STRN4: variants seen among roughly 807,000 people sequenced by gnomAD.
STRN4 encodes the protein striatin 4.
STRN4 carries 27 observed loss-of-function variants against 77.9 expected under a neutral mutation model. The ratio of observed to expected loss-of-function variants is 0.35; its 90% CI spans 0.26 to 0.48. The LOEUF (loss-of-function observed/expected upper bound fraction) is 0.48. Ranked by LOEUF, STRN4 falls within the 20% of genes least tolerant of loss-of-function variation. The pLI is 0.99. For missense variants in STRN4, 798 were observed against 1,049.7 expected, an observed-to-expected ratio of 0.76 and a Z score of 3.31; for synonymous variants, 466 against 443.1, an observed-to-expected ratio of 1.05 and a Z score of -0.65.
intron 1 of STRN4, among the ~76,000 whole-genome samples, chr19:46,742,187 A>T (rs1340391452): frequency 6.6e-6 from 1 of 152,082 alleles, no homozygotes; most frequent in Non-Finnish European, 1.5e-5. Context: ...CACGTTACTT[A>T]CTTCTCAGAA....
In STRN4 at chr19:46,722,969, G is replaced by A; in HGVS notation, c.1766-19C>T. On this transcript the variant is annotated intron_variant, in intron 13 of 17. Transcript: ENST00000263280. ...CCGTGCTCTGAGGGCACAGGGAAGA[G>A]AAGGCTGCTGAATGGACCCTCAGAC... The A allele has an allele frequency of 6.2e-7, 1 of 1,613,162 alleles. No homozygotes were observed.
chr19:46,746,181 C>T lies in STRN4; in HGVS notation c.250G>A (p.Ala84Thr), dbSNP rs755899946. The T allele has an allele frequency of 1.3e-4, 204 of 1,538,268 alleles. No individual in the cohort carries two copies. Among genetic ancestry groups the T allele is most frequent in the Non-Finnish European group, 1.2e-4 (134 of 1,150,294 alleles). ...TCGGCGCGCTCGGCCTCCCAGCGGGCTTTCTCGGCTTCGAAGCGCGCCCAC... is the reference window on the plus strand; with the variant it reads ...TCGGCGCGCTCGGCCTCCCAGCGGGTTTTCTCGGCTTCGAAGCGCGCCCAC... ...HEWARFEAEK[A>T]RWEAERAELQ... The change falls in exon 1 of 18, where the codon GCC (alanine) becomes ACC (threonine). Residue 84 changes from alanine (A) to threonine (T), a missense_variant. Physicochemically the swap from Ala to Thr is moderately conservative, Grantham distance 58. Coordinates refer to ENST00000263280, the MANE Select transcript of STRN4 (RefSeq NM_013403.3).
chr19:46,725,449 C>G lies in STRN4; in HGVS notation c.1424+24G>C, dbSNP rs770403653. 39 of 1,613,632 alleles carry G rather than the reference C, an allele frequency of 2.4e-5. No homozygotes were observed. In the South Asian group the frequency reaches 4.1e-4, roughly 17 times the overall value. The stretch of plus-strand genomic sequence containing the variant: ...CCCCGTCCCCAGATGCCCCTGCCCC[C>G]GGCTCTGAGCTTGCTGCCCTCACTT... On this transcript the variant is annotated intron_variant, in intron 10 of 17. Coordinates refer to ENST00000263280, the MANE Select transcript of STRN4 (RefSeq NM_013403.3).
intron 1 of STRN4, among the ~76,000 whole-genome samples, chr19:46,744,428 G>C (rs746277183): frequency 1.3e-5 from 2 of 152,118 alleles, no homozygotes; most frequent in Non-Finnish European, 2.9e-5. Context: ...CTTTTGCCCA[G>C]GCTGGAGTGC....
intron 4 of STRN4, among the ~76,000 whole-genome samples, chr19:46,735,884 A>C (rs989638224): frequency 2.0e-5 from 3 of 151,950 alleles, no homozygotes; most frequent in Non-Finnish European, 4.4e-5. Flanking sequence ...GAATCGCTTG[A>C]ACCCGGGAGG....
At chr19:46,729,695 T>C (rs1419669512) in intron 6 of STRN4, among the ~76,000 whole-genome samples, 13 of 152,122 alleles carry the variant, frequency 8.5e-5, no homozygotes, top group Admixed American at 8.5e-4. Flanking sequence ...CCTGGAACCA[T>C]GAGGGCTCCA....
chr19:46,740,014 C>T (rs2054445612), intron 1 of STRN4: 1 of 152,284 alleles, frequency 6.6e-6, no homozygotes, highest in Non-Finnish European at 1.5e-5. Context: ...TGGCCAGGCA[C>T]AGTGGCTCAC....
At chr19:46,725,296 G>A in intron 11 of STRN4, 36 bp downstream of exon 11, 1 of 1,613,880 alleles carries the variant, frequency 6.2e-7, no homozygotes, top group Non-Finnish European at 8.5e-7. Flanking sequence ...CTGCATTTAG[G>A]ACGAGTTTCT....
In STRN4 at chr19:46,733,587, G is replaced by A. The variant is rs909816531; in HGVS notation, c.540-351C>T. The A allele has an allele frequency of 2.5e-5, 6 of 241,882 alleles. No homozygotes were observed. Among genetic ancestry groups the A allele is most frequent in the South Asian group, 1.5e-4 (2 of 13,064 alleles). 15.0% of individuals were successfully genotyped at this position (241,882 alleles called of 1,614,324 possible). On this transcript the variant is annotated intron_variant, in intron 4 of 17. Coordinates refer to ENST00000263280, the MANE Select transcript of STRN4 (RefSeq NM_013403.3). This position sits in a 1 kb window ranked among gnomAD's most constrained non-coding sequence, Gnocchi z 4.3. ...CAGAGCCTTAAGGGAAGCTGGCCAC[G>A]GTAAACAGCAGAACGAAAACGCTAA... is the stretch of plus-strand genomic sequence containing the variant.
chr19:46,728,289 G>A (rs577933290), intron 7 of STRN4: 24 of 591,742 alleles, frequency 4.1e-5, no homozygotes, highest in African/African-American at 2.6e-4. Context: ...AGGAAGATGC[G>A]GCCCTCCCAC....
At chr19:46,732,617 G>T in intron 5 of STRN4, 1 of 170,000 alleles carries the variant, frequency 5.9e-6, no homozygotes, top group Non-Finnish European at 1.3e-5. Flanking sequence ...GGTCTCCATC[G>T]TGCTTAGCAT....
At chr19:46,746,119 G>A in intron 1 of STRN4, 30 bp downstream of exon 1, 1 of 1,471,848 alleles carries the variant, frequency 6.8e-7, no homozygotes, top group South Asian at 1.3e-5. Flanking sequence ...GGGCCGGGTT[G>A]GGGGTCGGGG....
At position 46,728,963 on chromosome 19, in the gene STRN4, G is replaced by A. The variant is rs1436512230; in HGVS notation, c.880-186C>T. Reference sequence around the variant, plus strand: ...TTGGACAGCTGCTACCACTAGGGCCGGTCGGCCTGACCCCACCCTCACGCA... The same window carrying A: ...TTGGACAGCTGCTACCACTAGGGCCAGTCGGCCTGACCCCACCCTCACGCA... On this transcript the variant is annotated intron_variant, in intron 6 of 17. Coordinates refer to ENST00000263280, the MANE Select transcript of STRN4 (RefSeq NM_013403.3). 32 of 774,152 alleles carry A rather than the reference G, an allele frequency of 4.1e-5. No homozygotes were observed. The South Asian group carries it at 5.3e-4, about 13-fold the overall frequency. The allele number at this position is 774,152 out of a possible 1,614,324, so 48.0% of individuals were successfully genotyped here.
At position 46,738,371 on chromosome 19, in the gene STRN4, T is replaced by TC. The variant is rs2054410756; in HGVS notation, c.387-135dup. On this transcript the variant is annotated intron_variant, in intron 2 of 17. Transcript: ENST00000263280. The surrounding 1 kb of genome is among the most constrained non-coding windows in gnomAD (Gnocchi z 4.5). The stretch of plus-strand genomic sequence containing the variant: ...CTCGTCTACTACTGAGGCTGAAGCA[T>TC]CCCCCCACACCCCTGGCCTGGTGGA... The TC allele has an allele frequency of 3.4e-6, 3 of 871,128 alleles. No homozygotes were observed. The African/African-American group carries it at 5.0e-5, about 14-fold the overall frequency. 54.0% of individuals were successfully genotyped at this position (871,128 alleles called of 1,614,324 possible). A position where few individuals can be genotyped will look rare whatever the true frequency, so the allele number is the denominator to read the frequency against.
At chr19:46,730,521 A>G (rs1483544544) in intron 6 of STRN4, among the ~76,000 whole-genome samples, 1 of 152,214 alleles carries the variant, frequency 6.6e-6, no homozygotes, top group Non-Finnish European at 1.5e-5. Flanking sequence ...TCATAGGCAC[A>G]TGCCCCTGCC....
intron 14 of STRN4, among the ~76,000 whole-genome samples, chr19:46,722,608 G>A (rs552675472): frequency 1.3e-5 from 2 of 152,206 alleles, no homozygotes; most frequent in East Asian, 1.9e-4. Flanking sequence ...GCCCTGACGC[G>A]CTCTCCCCAC....
chr19:46,722,037 C>A lies in STRN4; in HGVS notation c.2041G>T (p.Ala681Ser), dbSNP rs760453245. 6.2e-7 allele frequency: 1 copy of A among 1,613,430 alleles called. No individual in the cohort carries two copies. ...GGGTCCACGGCTAGGCAGGTGACTG[C>A]GTCCAGGTGTGCAACCATGGAGTGC... ...PVHSMVAHLD[A>S]VTCLAVDPNG... Residue 681 changes from alanine (A) to serine (S), a missense_variant, in exon 16 of 18, where the codon GCA becomes TCA. This residue lies in a region of STRN4 where 287 missense variants were observed against 473.8 expected (regional missense o/e 0.61). Coordinates refer to ENST00000263280, the MANE Select transcript of STRN4 (RefSeq NM_013403.3).
chr19:46,734,271 G>C (rs1056024318), intron 4 of STRN4, among the ~76,000 whole-genome samples: 3 of 152,206 alleles, frequency 2.0e-5, no homozygotes, highest in African/African-American at 7.2e-5. Flanking sequence ...ACCACACAGA[G>C]ATCTCAGTGA....
chr19:46,724,786 G>T (rs1568390223), intron 12 of STRN4, 21 bp downstream of exon 12: 1 of 1,613,902 alleles, frequency 6.2e-7, no homozygotes, highest in East Asian at 2.2e-5. Flanking sequence ...GTGAGGGGAA[G>T]GCGGGAGGCG....
Sources: gnomAD v4.1 joint callset for allele counts (sites outside exome capture counted in the v4.1 genomes callset) on GRCh38, gnomAD v4.1.1 for gene constraint, gnomAD v4.1.1 regional missense constraint, Gnocchi (gnomAD v3.1) non-coding constraint, MANE v1.5 for transcripts, NCBI Gene and HGNC (gene_info 2026-07-23, HGNC 2026-07-21) for gene names.